EGLN2: variants seen among roughly 807,000 people sequenced by gnomAD.
The protein encoded by EGLN2 is prolyl hydroxylase EGLN2.
A neutral mutation model predicts 38.2 loss-of-function variants in EGLN2; 15 were observed. The ratio of observed to expected loss-of-function variants is 0.39; its 90% CI spans 0.26 to 0.60. The LOEUF is 0.60. Among genes scored for constraint, EGLN2 ranks in the 20% least tolerant of loss-of-function variants. The pLI is 0.50. For synonymous variants in EGLN2, 284 were observed against 237.4 expected (o/e 1.20, Z -1.81); for missense variants, 492 against 570.4 (o/e 0.86, Z 1.40).
Position 40,807,136 on chromosome 19 carries a change from A to C in EGLN2, c.964-2A>C. The C allele has an allele frequency of 6.2e-7, 1 of 1,614,014 alleles. No individual in the cohort carries two copies. Among genetic ancestry groups the C allele is most frequent in the Non-Finnish European group, 8.5e-7 (1 of 1,179,962 alleles). On this transcript the variant is annotated splice_acceptor_variant, in intron 3 of 5. Transcript: ENST00000303961. LOFTEE classifies it high-confidence loss of function. ...TAGCCTCATCCTTTGGCCTGCCCCC[A>C]GGTGCATGGCGGCCTGCTGCAGATC...
chr19:40,799,913 C>G (rs1013826927), intron 1 of EGLN2: 2 of 146,824 alleles, frequency 1.4e-5, no homozygotes, highest in Non-Finnish European at 3.0e-5. Flanking sequence ...CCCCCGCCCC[C>G]ACCCTGACTC....
At position 40,800,857 on chromosome 19, in the gene EGLN2, C is replaced by G. The variant is rs575838944; in HGVS notation, c.285C>G (p.Gly95=). The change falls in exon 2 of 6, where the codon GGC becomes GGG. Residue 95 remains glycine (G), a synonymous_variant. Transcript: ENST00000303961. ...GGELRPLQSE[G]AAALVTKGCQ... ...AGCTGCGGCCGCTGCAGAGTGAAGG[C>G]GCTGCAGCGCTGGTCACCAAGGGGT... 4.3e-6 allele frequency: 7 copies of G among 1,612,294 alleles called. No homozygotes were observed. Among genetic ancestry groups the G allele is most frequent in the Admixed American group, 3.3e-5 (2 of 59,856 alleles).
chr19:40,801,953 A>T (rs531725364), intron 2 of EGLN2, among the ~76,000 whole-genome samples: 128 of 152,206 alleles, frequency 8.4e-4, no homozygotes, highest in Non-Finnish European at 1.4e-3. Context: ...AGCTGCTGAC[A>T]TTCACAGCGT....
Position 40,807,161 on chromosome 19 carries a change from C to T in EGLN2, c.987C>T (p.Ile329=). 6.2e-7 allele frequency: 1 copy of T among 1,614,176 alleles called. No homozygotes were observed. Among genetic ancestry groups the T allele is most frequent in the Non-Finnish European group, 8.5e-7 (1 of 1,180,010 alleles). ...DVKVHGGLLQ[I]FPEGRPVVAN... ...AGGTGCATGGCGGCCTGCTGCAGAT[C>T]TTCCCTGAGGGCCGGCCCGTGGTAG... The change falls in exon 4 of 6, where the codon ATC becomes ATT. Residue 329 remains isoleucine, a synonymous_variant. Coordinates refer to ENST00000303961, the MANE Select transcript of EGLN2 (RefSeq NM_080732.4).
In EGLN2 at chr19:40,800,316, CTT is replaced by C. The variant is rs35057638; in HGVS notation, c.-234-13_-234-12del. On this transcript the variant is annotated intron_variant, in intron 1 of 5. Coordinates refer to ENST00000303961, the MANE Select transcript of EGLN2 (RefSeq NM_080732.4). ...CCTGTCTCTAGTTTCTCTCACATCCCTTTTTTTTTTTCCTTTCTCTAGCCACC... is the reference window on the plus strand; with the variant it reads ...CCTGTCTCTAGTTTCTCTCACATCCCTTTTTTTTTCCTTTCTCTAGCCACC... 5.5e-4 allele frequency: 218 copies of C among 397,672 alleles called. No homozygotes were observed. Among genetic ancestry groups the C allele is most frequent in the Middle Eastern group, 7.0e-4 (1 of 1,434 alleles). The allele number at this position is 397,672 out of a possible 1,614,324, so 24.6% of individuals were successfully genotyped here.
chr19:40,800,870 G>T lies in EGLN2; in HGVS notation c.298G>T (p.Val100Phe), dbSNP rs1358030620. 1 of 1,611,908 alleles carries T rather than the reference G, an allele frequency of 6.2e-7. No homozygotes were observed. The highest frequency in any genetic ancestry group is 8.5e-7 in the Non-Finnish European group (1 of 1,179,512). ...PLQSEGAAAL[V>F]TKGCQRLAAQ... ...GCAGAGTGAAGGCGCTGCAGCGCTGGTCACCAAGGGGTGCCAGCGATTGGC... is the reference window on the plus strand; with the variant it reads ...GCAGAGTGAAGGCGCTGCAGCGCTGTTCACCAAGGGGTGCCAGCGATTGGC... The change falls in exon 2 of 6, where the codon GTC becomes TTC. Residue 100 changes from valine to phenylalanine, a missense_variant. This residue lies in a region of EGLN2 where 378 missense variants were observed against 386.2 expected (regional missense o/e 0.98). Transcript: ENST00000303961.
In EGLN2 at chr19:40,806,580, A is replaced by C. The variant is rs776201066; in HGVS notation, c.869A>C (p.Asn290Thr). The C allele has an allele frequency of 6.2e-7, 1 of 1,613,954 alleles. No individual in the cohort carries two copies. Among genetic ancestry groups the C allele is most frequent in the African/African-American group, 1.3e-5 (1 of 75,034 alleles). ...TKAMVACYPG[N>T]GLGYVRHVDN... is the part of the protein sequence containing the mutation. ...GCCATGGTGGCGTGTTACCCAGGCA[A>C]CGGGCTCGGGTACGTAAGGCACGTT... is the stretch of plus-strand genomic sequence containing the variant. The change falls in exon 3 of 6, where the codon AAC becomes ACC. Residue 290 changes from asparagine (N) to threonine (T), a missense_variant. By Grantham distance (65) the Asn-to-Thr change is moderately conservative. Coordinates refer to ENST00000303961, the MANE Select transcript of EGLN2 (RefSeq NM_080732.4).
At position 40,800,410 on chromosome 19, in the gene EGLN2, G is replaced by C; in HGVS notation, c.-163G>C. On this transcript the variant is annotated 5_prime_UTR_variant, in exon 2 of 6. Coordinates refer to ENST00000303961, the MANE Select transcript of EGLN2 (RefSeq NM_080732.4). ...TTGGGGACCAGCAAGCAACCCCCAG[G>C]GCACGAGAAGAGCTCTTGCTGTCTG... The C allele has an allele frequency of 9.0e-7, 1 of 1,115,012 alleles. No individual in the cohort carries two copies. The highest frequency in any genetic ancestry group is 1.2e-6 in the Non-Finnish European group (1 of 810,586). The allele number at this position is 1,115,012 out of a possible 1,614,324, so 69.1% of individuals were successfully genotyped here. A position where few individuals can be genotyped will look rare whatever the true frequency, so the allele number is the denominator to read the frequency against.
intron 2 of EGLN2, 140 bp downstream of exon 2, chr19:40,801,555 C>A: frequency 8.0e-7 from 1 of 1,247,504 alleles, no homozygotes; most frequent in Non-Finnish European, 1.1e-6. Context: ...AGTGGGTATG[C>A]TTACTTGTGG....
intron 5 of EGLN2, 56 bp from the exon 6 acceptor site, chr19:40,807,753 C>T (rs1422035162): frequency 1.3e-6 from 2 of 1,595,680 alleles, no homozygotes; most frequent in African/African-American, 2.7e-5. Flanking sequence ...CCAGGTTTCC[C>T]TTGGCTTCTT....
chr19:40,802,401 C>CCCTGT (rs2083268533), intron 2 of EGLN2, among the ~76,000 whole-genome samples: 1 of 152,190 alleles, frequency 6.6e-6, no homozygotes, highest in Non-Finnish European at 1.5e-5. Flanking sequence ...CCTCCATTCC[C>CCCTGT]CCTGTCCTGT....
Position 40,800,704 on chromosome 19 carries a change from G to T in EGLN2, c.132G>T (p.Leu44=), listed in dbSNP as rs755301119. The T allele has an allele frequency of 6.2e-7, 1 of 1,614,036 alleles. No homozygotes were observed. The highest frequency in any genetic ancestry group is 8.5e-7 in the Non-Finnish European group (1 of 1,180,004). Reference sequence around the variant, plus strand: ...TGGAGAGTTACCTGCCCTGTCCCCTGCTCCCCTCCTACCACTGTCCAGGAG... The same window carrying T: ...TGGAGAGTTACCTGCCCTGTCCCCTTCTCCCCTCCTACCACTGTCCAGGAG... ...MGVESYLPCP[L]LPSYHCPGVP... The change falls in exon 2 of 6, where the codon CTG becomes CTT. Residue 44 remains leucine, a synonymous_variant. Coordinates refer to ENST00000303961, the MANE Select transcript of EGLN2 (RefSeq NM_080732.4).
chr19:40,803,570 GA>G (rs2083279237), intron 2 of EGLN2, among the ~76,000 whole-genome samples: 1 of 152,136 alleles, frequency 6.6e-6, no homozygotes, highest in Non-Finnish European at 1.5e-5. Context: ...TTGCCGTGGG[GA>G]CATGGATCAC....
chr19:40,806,900 G>A, intron 3 of EGLN2: 1 of 914,618 alleles, frequency 1.1e-6, no homozygotes, highest in Non-Finnish European at 1.6e-6. Context: ...GAATGGTGCT[G>A]TCTGCCCAGC....
chr19:40,806,907 C>G, intron 3 of EGLN2: 1 of 911,292 alleles, frequency 1.1e-6, no homozygotes, highest in Admixed American at 2.8e-5. Flanking sequence ...GCTGTCTGCC[C>G]AGCCCCACCC....
Position 40,800,326 on chromosome 19 carries a change from T to G in EGLN2, c.-234-13T>G. 1 of 486,068 alleles carries G rather than the reference T, an allele frequency of 2.1e-6. No homozygotes were observed. Among genetic ancestry groups the G allele is most frequent in the Non-Finnish European group, 3.6e-6 (1 of 276,492 alleles). The allele number at this position is 486,068 out of a possible 1,614,324, so 30.1% of individuals were successfully genotyped here. ...GTTTCTCTCACATCCCTTTTTTTTT[T>G]TCCTTTCTCTAGCCACCCTGAAGGG... On this transcript the variant is annotated splice_polypyrimidine_tract_variant and intron_variant, in intron 1 of 5. Coordinates refer to ENST00000303961, the MANE Select transcript of EGLN2 (RefSeq NM_080732.4).
At position 40,807,545 on chromosome 19, in the gene EGLN2, C is replaced by T; in HGVS notation, c.1162C>T (p.Gln388Ter). Residue 388 changes from glutamine to a stop codon, truncating the protein, a stop_gained, in exon 5 of 6, where the codon CAG becomes TAG. Transcript: ENST00000303961. LOFTEE classifies it high-confidence loss of function. The part of the protein sequence containing the change: ...KERAAAKDKY[Q>*]LASGQKGVQV... ...GCGGGCAGCAGCCAAAGACAAGTATCAGCTAGGTACCTGCTTCCCTCCCTT... is the reference window on the plus strand; with the variant it reads ...GCGGGCAGCAGCCAAAGACAAGTATTAGCTAGGTACCTGCTTCCCTCCCTT... 6.2e-7 allele frequency: 1 copy of T among 1,614,186 alleles called. No homozygotes were observed. Among genetic ancestry groups the T allele is most frequent in the East Asian group, 2.2e-5 (1 of 44,890 alleles).
intron 2 of EGLN2, among the ~76,000 whole-genome samples, chr19:40,801,917 GCCAGGAACCCTCTTAAACTCATGAGAGC>G (rs927142524): frequency 7.2e-5 from 11 of 152,092 alleles, no homozygotes; most frequent in Non-Finnish European, 1.0e-4. Context: ...TCTTGACTTT[GCCAGGAACCCTCTTAAACTCATGAGAGC>G]TGCTGACATT....
In EGLN2 at chr19:40,800,651, C is replaced by A. The variant is rs148078138; in HGVS notation, c.79C>A (p.Pro27Thr). 16 of 1,614,022 alleles carry A rather than the reference C, an allele frequency of 9.9e-6. No homozygotes were observed. In the African/African-American group the frequency reaches 1.5e-4, roughly 15 times the overall value. Residue 27 changes from proline to threonine, a missense_variant, in exon 2 of 6, where the codon CCT (proline) becomes ACT (threonine). By Grantham distance (38) the Pro-to-Thr change is conservative. Coordinates refer to ENST00000303961, the MANE Select transcript of EGLN2 (RefSeq NM_080732.4). Reference sequence around the variant, plus strand: ...AGGGTCTTCGTCAGAGCCCTTGGAGCCTGAGCCTGGCCGGGCCAGGATGGG... The same window carrying A: ...AGGGTCTTCGTCAGAGCCCTTGGAGACTGAGCCTGGCCGGGCCAGGATGGG... ...LPGSSSEPLE[P>T]EPGRARMGVE...
Sources: allele counts gnomAD v4.1 joint callset (sites outside exome capture counted in the v4.1 genomes callset), GRCh38; gene constraint gnomAD v4.1.1; regional missense constraint gnomAD v4.1.1; transcripts MANE v1.5; gene names NCBI Gene and HGNC (gene_info 2026-07-23, HGNC 2026-07-21).